C8orf34: variants seen among roughly 807,000 people sequenced by gnomAD.
C8orf34 encodes uncharacterized protein C8orf34.
In C8orf34, 65 loss-of-function variants were observed where a neutral mutation model predicts 68.3. The observed-to-expected ratio is 0.95, with a 90% CI of 0.78 to 1.17. The LOEUF (loss-of-function observed/expected upper bound fraction) is 1.17, where lower values mean the gene tolerates loss of function less well. Ranked by LOEUF, C8orf34 falls within the 50% of genes most tolerant of loss-of-function variation. The pLI is 0.00. For missense variants in C8orf34, 664 were observed against 655.4 expected (o/e 1.01, Z -0.14); for synonymous variants, 244 against 241.2 (o/e 1.01, Z -0.11).
intron 8 of C8orf34, among the ~76,000 whole-genome samples, chr8:68,687,934 C>CA (rs1282008150): frequency 6.6e-6 from 1 of 151,438 alleles, no homozygotes; most frequent in Admixed American, 6.6e-5. Context: ...CAAAGCAAAA[C>CA]AAAAAAATAA....
At chr8:68,559,918 A>G (rs1250274152) in intron 7 of C8orf34, among the ~76,000 whole-genome samples, 1 of 152,152 alleles carries the variant, frequency 6.6e-6, no homozygotes, top group Non-Finnish European at 1.5e-5. Flanking sequence ...CAGTCCCTGA[A>G]AGTCAAGTAG....
intron 7 of C8orf34, chr8:68,534,600 C>T: frequency 1.0e-6 from 1 of 982,260 alleles, no homozygotes; most frequent in Non-Finnish European, 1.2e-6. Context: ...ATTACTCTGG[C>T]TAGTCCTGAA....
intron 1 of C8orf34, among the ~76,000 whole-genome samples, chr8:68,340,912 C>T (rs1806042893): frequency 6.6e-6 from 1 of 151,918 alleles, no homozygotes; most frequent in African/African-American, 2.4e-5. Flanking sequence ...ACAAAATTAA[C>T]AAACAGAATT....
chr8:68,472,429 T>G (rs143052147), intron 4 of C8orf34, among the ~76,000 whole-genome samples: 252 of 152,272 alleles, frequency 1.7e-3, no homozygotes, highest in African/African-American at 5.5e-3. Flanking sequence ...CAGAGCCATA[T>G]AGAGTAATCC....
At chr8:68,806,068 A>G (rs1298794998) in intron 12 of C8orf34, among the ~76,000 whole-genome samples, 1 of 152,054 alleles carries the variant, frequency 6.6e-6, no homozygotes, top group East Asian at 1.9e-4. Flanking sequence ...TCTCATGTCA[A>G]TTGGTCCTTT....
At chr8:68,611,724 G>A (rs1191802827) in intron 7 of C8orf34, among the ~76,000 whole-genome samples, 2 of 152,070 alleles carry the variant, frequency 1.3e-5, no homozygotes, top group African/African-American at 4.8e-5. Context: ...ATTGTCATAT[G>A]GTTGGTAACT....
intron 5 of C8orf34, among the ~76,000 whole-genome samples, chr8:68,489,977 C>G (rs11986390): frequency 6.6e-6 from 1 of 151,946 alleles, no homozygotes; most frequent in Admixed American, 6.6e-5. Context: ...TCATCTGTAC[C>G]GACTCCAGGC....
rs149887933 is a variant in C8orf34, at chr8:68,457,287, T to A, written c.607+10827T>A. 2.1e-3 allele frequency among the ~76,000 whole-genome samples: 326 copies of A among 152,146 alleles called. 1 individual carries two copies. The highest frequency in any genetic ancestry group is 7.1e-3 in the African/African-American group (293 of 41,526). On this transcript the variant is annotated intron_variant, in intron 3 of 13. Transcript: ENST00000518698. ...AAATATAAAAAAATGAAGACAGAAG[T>A]ACAATAGCTGAAAAATCATGATATG... is the stretch of plus-strand genomic sequence containing the variant.
intron 5 of C8orf34, among the ~76,000 whole-genome samples, chr8:68,497,917 C>T (rs552188978): frequency 2.0e-5 from 3 of 152,264 alleles, no homozygotes; most frequent in South Asian, 4.1e-4. Context: ...CAACCTCCGC[C>T]TCCCGGGTTC....
At chr8:68,651,845 C>G (rs1003403228) in intron 8 of C8orf34, among the ~76,000 whole-genome samples, 1 of 152,066 alleles carries the variant, frequency 6.6e-6, no homozygotes, top group Non-Finnish European at 1.5e-5. Flanking sequence ...GCCGAAACCC[C>G]TCTATTATGC....
intron 3 of C8orf34, among the ~76,000 whole-genome samples, chr8:68,453,051 C>A (rs1045717547): frequency 6.6e-6 from 1 of 151,898 alleles, no homozygotes; most frequent in East Asian, 1.9e-4. Flanking sequence ...AATCTTGTCA[C>A]CCCATTGAAA....
chr8:68,446,670 C>T (rs1456885143), intron 3 of C8orf34: 3 of 544,750 alleles, frequency 5.5e-6, no homozygotes, highest in Non-Finnish European at 9.5e-6. Context: ...GTGTAATTCA[C>T]TTGGACCCTT....
At chr8:68,361,207 A>G (rs545945144) in intron 1 of C8orf34, among the ~76,000 whole-genome samples, 66 of 152,314 alleles carry the variant, frequency 4.3e-4, no homozygotes, top group African/African-American at 1.5e-3. Context: ...ATGTTGAACT[A>G]TAAGGCAGTT....
At chr8:68,486,495 G>T (rs974719336) in intron 4 of C8orf34, among the ~76,000 whole-genome samples, 2 of 152,040 alleles carry the variant, frequency 1.3e-5, no homozygotes, top group African/African-American at 4.8e-5. Flanking sequence ...ACCAAAAAAA[G>T]AATTTTATAA....
chr8:68,771,237 A>T (rs186696561), intron 10 of C8orf34, among the ~76,000 whole-genome samples: 1 of 152,150 alleles, frequency 6.6e-6, no homozygotes, highest in Non-Finnish European at 1.5e-5. Flanking sequence ...TTTTTCATTA[A>T]TTGGGGATAA....
chr8:68,425,373 C>A (rs1810164586), intron 1 of C8orf34, among the ~76,000 whole-genome samples: 1 of 152,078 alleles, frequency 6.6e-6, no homozygotes, highest in Non-Finnish European at 1.5e-5. Flanking sequence ...TGATTGTCTA[C>A]AGAGATGATC....
intron 8 of C8orf34, among the ~76,000 whole-genome samples, chr8:68,683,831 C>T (rs1490311980): frequency 6.6e-6 from 1 of 151,980 alleles, no homozygotes. Flanking sequence ...AGTCCATGCC[C>T]ATAAGGGTTG....
intron 7 of C8orf34, among the ~76,000 whole-genome samples, chr8:68,567,777 G>T (rs1182696294): frequency 4.7e-5 from 7 of 149,636 alleles, no homozygotes; most frequent in African/African-American, 1.7e-4. Flanking sequence ...CTCTGATCTT[G>T]GTTATTTGCT....
At chr8:68,395,036 T>G (rs920822658) in intron 1 of C8orf34, among the ~76,000 whole-genome samples, 2 of 152,094 alleles carry the variant, frequency 1.3e-5, no homozygotes, top group African/African-American at 2.4e-5. Flanking sequence ...GGAAGGAATT[T>G]AGCAAGAAAT....
Sources: gnomAD v4.1 joint callset for allele counts (sites outside exome capture counted in the v4.1 genomes callset) on GRCh38, gnomAD v4.1.1 for gene constraint, MANE v1.5 for transcripts, NCBI Gene and HGNC (gene_info 2026-07-23, HGNC 2026-07-21) for gene names.